STK32B: variants seen among roughly 807,000 people sequenced by gnomAD.
STK32B encodes serine/threonine kinase 32B.
A neutral mutation model predicts 52.6 loss-of-function variants in STK32B; 43 were observed. That is an observed-to-expected ratio of 0.82 (90% CI 0.64 to 1.05). The LOEUF (loss-of-function observed/expected upper bound fraction) is 1.05, where lower values mean the gene tolerates loss of function less well. Among genes scored for constraint, STK32B ranks in the 50% least tolerant of loss-of-function variants. The pLI, the probability that STK32B is intolerant of heterozygous loss-of-function variation, is 0.00. For missense variants in STK32B, 621 were observed against 534.6 expected (o/e 1.16, Z -1.59); for synonymous variants, 238 against 204.3 (o/e 1.17, Z -1.41).
intron 11 of STK32B, among the ~76,000 whole-genome samples, chr4:5,497,949 G>A (rs898673272): frequency 3.3e-5 from 5 of 152,044 alleles, no homozygotes; most frequent in African/African-American, 1.2e-4. Flanking sequence ...GAACAAGGTA[G>A]AACTAATAGT....
the STK32B span, among the ~76,000 whole-genome samples, chr4:5,036,905 A>T: frequency 6.6e-6 from 1 of 151,918 alleles, no homozygotes; most frequent in Non-Finnish European, 1.5e-5. Flanking sequence ...TGACCTCGTG[A>T]TCTGCCCACC....
chr4:5,493,257 G>T (rs1394028853), intron 11 of STK32B, among the ~76,000 whole-genome samples: 3 of 152,068 alleles, frequency 2.0e-5, no homozygotes, highest in African/African-American at 4.8e-5. Flanking sequence ...CAATTTCAGA[G>T]CCTGTTATTG....
intron 3 of STK32B, among the ~76,000 whole-genome samples, chr4:5,180,535 T>G (rs1720273989): frequency 6.6e-6 from 1 of 152,110 alleles, no homozygotes; most frequent in Non-Finnish European, 1.5e-5. Context: ...GGCCCCTCCC[T>G]GCTTGGTACC....
At chr4:5,340,662 A>G (rs1008813252) in intron 4 of STK32B, among the ~76,000 whole-genome samples, 1 of 152,228 alleles carries the variant, frequency 6.6e-6, no homozygotes, top group Non-Finnish European at 1.5e-5. Flanking sequence ...AGTATACAAA[A>G]CTAAATAAAT....
At chr4:5,455,328 G>A (rs1437433808) in intron 7 of STK32B, among the ~76,000 whole-genome samples, 1 of 152,234 alleles carries the variant, frequency 6.6e-6, no homozygotes, top group Non-Finnish European at 1.5e-5. Context: ...ACAACATGTA[G>A]GCTCGATCAC....
chr4:5,418,796 A>G (rs981247422), intron 6 of STK32B, among the ~76,000 whole-genome samples: 2 of 152,218 alleles, frequency 1.3e-5, no homozygotes, highest in African/African-American at 2.4e-5. Context: ...TAAACAACCA[A>G]AATCTTTCTT....
At chr4:5,375,194 C>T (rs976169686) in intron 4 of STK32B, among the ~76,000 whole-genome samples, 7 of 152,118 alleles carry the variant, frequency 4.6e-5, no homozygotes, top group African/African-American at 7.2e-5. Context: ...TGTCCAGCCT[C>T]GTCCCCCACT....
intron 3 of STK32B, among the ~76,000 whole-genome samples, chr4:5,328,172 A>G (rs1732000013): frequency 6.6e-6 from 1 of 152,204 alleles, no homozygotes; most frequent in Non-Finnish European, 1.5e-5. Flanking sequence ...AGCTGATTTG[A>G]TCTTCTGTCT....
chr4:5,053,128 A>G (rs1403193049), intron 1 of STK32B, among the ~76,000 whole-genome samples: 2 of 152,238 alleles, frequency 1.3e-5, no homozygotes, highest in Non-Finnish European at 2.9e-5. Context: ...TCAAAAAGAT[A>G]GATGAACACA....
At chr4:5,358,701 G>GCGCGCGCACACACA (rs151338728) in intron 4 of STK32B, among the ~76,000 whole-genome samples, 4,271 of 106,778 alleles carry the variant, frequency 0.04, 223 homozygotes, top group Admixed American at 0.18. Context: ...TCACACACAT[G>GCGCGCGCACACACA]CACACACACA....
At chr4:5,249,083 AAAAAT>A (rs777083577) in intron 3 of STK32B, among the ~76,000 whole-genome samples, 7 of 150,112 alleles carry the variant, frequency 4.7e-5, no homozygotes, top group South Asian at 4.2e-4. Flanking sequence ...ATGATAATAA[AAAAAT>A]AAAATAAAGA....
chr4:5,442,593 A>C (rs1235501090), intron 6 of STK32B, among the ~76,000 whole-genome samples: 4 of 151,340 alleles, frequency 2.6e-5, no homozygotes, highest in Admixed American at 6.6e-5. Context: ...TGGAGCATTT[A>C]GTCCATTTAC....
In STK32B at chr4:5,136,182, G is replaced by C. The variant is rs143681863; in HGVS notation, c.53-3723G>C. 2.6e-5 allele frequency among the ~76,000 whole-genome samples: 4 copies of C among 152,306 alleles called. No homozygotes were observed. In the East Asian group the frequency reaches 7.7e-4, roughly 29 times the overall value. On this transcript the variant is annotated intron_variant, in intron 1 of 11. Coordinates refer to ENST00000282908, the MANE Select transcript of STK32B (RefSeq NM_018401.3). Reference sequence around the variant, plus strand: ...GATCCCTAAGGAGAGCTGGGTTTTTGTTATCAAGAAAGAAGGGAGAATTGA... The same window carrying C: ...GATCCCTAAGGAGAGCTGGGTTTTTCTTATCAAGAAAGAAGGGAGAATTGA...
At chr4:5,435,990 T>A (rs527691280) in intron 6 of STK32B, 1 of 151,938 alleles carries the variant, frequency 6.6e-6, no homozygotes, top group African/African-American at 2.4e-5. Flanking sequence ...TGGGAAAGAG[T>A]GTCAGGAACA....
intron 3 of STK32B, among the ~76,000 whole-genome samples, chr4:5,220,292 T>C (rs751225800): frequency 5.9e-5 from 9 of 152,172 alleles, no homozygotes; most frequent in Non-Finnish European, 1.0e-4. Flanking sequence ...ATACTAGTAG[T>C]ATAAAGACCA....
At chr4:5,144,792 C>CACT (rs1716779420) in intron 2 of STK32B, among the ~76,000 whole-genome samples, 1 of 51,702 alleles carries the variant, frequency 1.9e-5, no homozygotes, top group African/African-American at 4.8e-5. Context: ...ACTCATCCAT[C>CACT]CATCCATCCA....
At chr4:5,354,565 C>G (rs893607970) in intron 4 of STK32B, among the ~76,000 whole-genome samples, 2 of 152,092 alleles carry the variant, frequency 1.3e-5, no homozygotes, top group Non-Finnish European at 2.9e-5. Flanking sequence ...ACGCCTGGCC[C>G]CAATGGAAGG....
At chr4:5,140,030 G>T in intron 2 of STK32B, 70 bp downstream of exon 2, 1 of 1,581,384 alleles carries the variant, frequency 6.3e-7, no homozygotes, top group Non-Finnish European at 8.7e-7. Context: ...TGTGTTGGTT[G>T]CTGGGCACTG....
At chr4:5,043,985 G>A in the STK32B span, among the ~76,000 whole-genome samples, 2 of 152,154 alleles carry the variant, frequency 1.3e-5, no homozygotes, top group East Asian at 1.9e-4. Flanking sequence ...TATCAGGTCC[G>A]TTTCTTGAGT....
Sources: allele counts gnomAD v4.1 joint callset (sites outside exome capture counted in the v4.1 genomes callset), GRCh38; gene constraint gnomAD v4.1.1; transcripts MANE v1.5; gene names NCBI Gene and HGNC (gene_info 2026-07-23, HGNC 2026-07-21).